The following NAALADL2 variants were observed in gnomAD, a reference collection of about 807,000 sequenced individuals.
NAALADL2 encodes inactive N-acetylated-alpha-linked acidic dipeptidase-like protein 2.
In NAALADL2, 76 loss-of-function variants were observed where a neutral mutation model predicts 87.2. That is an observed-to-expected ratio of 0.87 (90% confidence interval 0.72 to 1.05). The LOEUF is 1.05. Among genes scored for constraint, NAALADL2 ranks in the 50% least tolerant of loss-of-function variants. The pLI is 0.00. For missense variants in NAALADL2, 1,089 were observed against 945.8 expected (o/e 1.15, Z -1.99); for synonymous variants, 354 against 331.0 (o/e 1.07, Z -0.75).
intron 10 of NAALADL2, among the ~76,000 whole-genome samples, chr3:175,594,282 G>GA (rs545652028): frequency 5.3e-5 from 8 of 152,244 alleles, no homozygotes; most frequent in African/African-American, 1.9e-4. Context: ...AATTCATTTA[G>GA]AATGATGGTC....
At chr3:174,530,668 C>G (rs1293427182) in intron 1 of NAALADL2, among the ~76,000 whole-genome samples, 1 of 152,144 alleles carries the variant, frequency 6.6e-6, no homozygotes, top group Non-Finnish European at 1.5e-5. Flanking sequence ...GAGAAGAGAG[C>G]TTGTGTAGGG....
intron 2 of NAALADL2, among the ~76,000 whole-genome samples, chr3:175,115,477 T>C (rs971552231): frequency 4.5e-5 from 6 of 132,868 alleles, no homozygotes; most frequent in African/African-American, 1.8e-4. Flanking sequence ...TGTAAAACTC[T>C]GAGTATTTGC....
chr3:175,196,197 A>C (rs1321838466), intron 2 of NAALADL2, among the ~76,000 whole-genome samples: 1 of 151,768 alleles, frequency 6.6e-6, no homozygotes, highest in Non-Finnish European at 1.5e-5. Context: ...TTTTCCTTCA[A>C]GCTTTGGGGG....
At chr3:175,046,556 G>A in intron 1 of NAALADL2, among the ~76,000 whole-genome samples, 1 of 152,120 alleles carries the variant, frequency 6.6e-6, no homozygotes, top group Admixed American at 6.6e-5. Flanking sequence ...TTCCTTCTCA[G>A]AAAAGAGAAG....
At chr3:174,764,777 C>A (rs1244435952) in intron 3 of NAALADL2, among the ~76,000 whole-genome samples, 1 of 151,980 alleles carries the variant, frequency 6.6e-6, no homozygotes, top group Non-Finnish European at 1.5e-5. Context: ...AGAATAAGGA[C>A]CTGTACTCTG....
intron 5 of NAALADL2, among the ~76,000 whole-genome samples, chr3:175,358,101 T>TA (rs1379149745): frequency 6.6e-6 from 1 of 152,168 alleles, no homozygotes. Context: ...CATAAATTTT[T>TA]AAATAATTGG....
At chr3:175,394,256 G>A (rs1769476020) in intron 5 of NAALADL2, among the ~76,000 whole-genome samples, 1 of 152,132 alleles carries the variant, frequency 6.6e-6, no homozygotes, top group Non-Finnish European at 1.5e-5. Flanking sequence ...CGGTTAATGG[G>A]CACAAATATA....
intron 6 of NAALADL2, among the ~76,000 whole-genome samples, chr3:175,453,679 G>A (rs529555375): frequency 4.2e-4 from 64 of 152,030 alleles, no homozygotes; most frequent in Admixed American, 1.9e-3. Flanking sequence ...ATTATTTGTG[G>A]TTTTCTTTAT....
chr3:175,641,377 C>T (rs1054561931), intron 11 of NAALADL2, among the ~76,000 whole-genome samples: 15 of 151,984 alleles, frequency 9.9e-5, no homozygotes, highest in African/African-American at 2.2e-4. Flanking sequence ...TCCCTTTTTC[C>T]GTCCTTCAGT....
At chr3:175,610,027 C>T (rs1724396264) in intron 10 of NAALADL2, among the ~76,000 whole-genome samples, 1 of 152,030 alleles carries the variant, frequency 6.6e-6, no homozygotes, top group Non-Finnish European at 1.5e-5. Context: ...ATATCTTTTC[C>T]AGCCCTCAAA....
chr3:175,653,193 C>T (rs1425259634), intron 11 of NAALADL2, among the ~76,000 whole-genome samples: 1 of 151,630 alleles, frequency 6.6e-6, no homozygotes, highest in African/African-American at 2.4e-5. Context: ...CAGAGTTGGC[C>T]TATATGGAGG....
chr3:175,199,497 G>A (rs560229617), intron 2 of NAALADL2, among the ~76,000 whole-genome samples: 2 of 152,084 alleles, frequency 1.3e-5, no homozygotes, highest in Admixed American at 1.3e-4. Flanking sequence ...TCCAAGGGAT[G>A]AGACTGTGTG....
intron 2 of NAALADL2, among the ~76,000 whole-genome samples, chr3:174,647,277 C>G (rs1723890081): frequency 6.6e-6 from 1 of 152,142 alleles, no homozygotes; most frequent in African/African-American, 2.4e-5. Context: ...ATTATCAAAA[C>G]TGAGACTTGG....
At chr3:175,568,007 C>T (rs551756962) in intron 9 of NAALADL2, among the ~76,000 whole-genome samples, 22 of 152,122 alleles carry the variant, frequency 1.4e-4, no homozygotes, top group Admixed American at 7.2e-4. Context: ...TGAGCCACTG[C>T]GCCCGGCCCC....
chr3:174,449,326 GA>G (rs970557069), intron 1 of NAALADL2, among the ~76,000 whole-genome samples: 3 of 151,558 alleles, frequency 2.0e-5, no homozygotes, highest in Non-Finnish European at 4.4e-5. Flanking sequence ...ATTGGAGGAA[GA>G]AAAAACAAAA....
rs1254626087 is a variant in NAALADL2 at position 174,825,867 on chromosome 3, AAC to A, written c.-9+88125_-9+88126del. ...ACGGTGAAACCTCGTCTCTACTAAA[AAC>A]ACAAAAAATTAGGCGGGCGTGGTGG... On this transcript the variant is annotated intron_variant, in intron 3 of 3. Transcript: ENST00000434257. Among the ~76,000 whole-genome samples, 215 of 152,154 alleles carry A rather than the reference AAC, an allele frequency of 1.4e-3. 1 individual carries two copies. Among genetic ancestry groups the A allele is most frequent in the African/African-American group, 5.0e-3 (209 of 41,526 alleles).
chr3:175,281,408 G>A (rs140851653), intron 4 of NAALADL2, among the ~76,000 whole-genome samples: 8 of 151,788 alleles, frequency 5.3e-5, no homozygotes, highest in African/African-American at 1.7e-4. Context: ...CATATCATTC[G>A]TTTAGATAAT....
At chr3:175,204,216 A>G (rs1560160868) in intron 2 of NAALADL2, among the ~76,000 whole-genome samples, 2 of 152,152 alleles carry the variant, frequency 1.3e-5, no homozygotes, top group African/African-American at 4.8e-5. Flanking sequence ...AGCTAACCAA[A>G]TCCAACAACA....
At chr3:175,361,007 A>C (rs1353216546) in intron 5 of NAALADL2, among the ~76,000 whole-genome samples, 1 of 151,386 alleles carries the variant, frequency 6.6e-6, no homozygotes, top group Non-Finnish European at 1.5e-5. Context: ...TCCTAATGCT[A>C]TCCCTCCCCA....
Sources: allele counts gnomAD v4.1 joint callset (sites outside exome capture counted in the v4.1 genomes callset), GRCh38; gene constraint gnomAD v4.1.1; transcripts MANE v1.5; gene names NCBI Gene and HGNC (gene_info 2026-07-23, HGNC 2026-07-21).